Variants in DNER observed in about 807,000 individuals in gnomAD.
DNER encodes the protein delta/notch like EGF repeat containing, also known as delta and Notch-like epidermal growth factor-related receptor.
A neutral mutation model predicts 78.2 loss-of-function variants in DNER; 33 were observed. The observed-to-expected ratio is 0.42, with a 90% confidence interval of 0.32 to 0.56. The LOEUF is 0.56. Ranked by LOEUF, DNER falls within the 20% of genes least tolerant of loss-of-function variation. DNER has a pLI of 0.11. For missense variants in DNER, 918 were observed against 975.3 expected (o/e 0.94, Z 0.78); for synonymous variants, 417 against 384.8 (o/e 1.08, Z -0.98).
intron 8 of DNER, among the ~76,000 whole-genome samples, chr2:229,425,764 T>C (rs562804651): frequency 6.6e-6 from 1 of 152,166 alleles, no homozygotes; most frequent in Non-Finnish European, 1.5e-5. Flanking sequence ...GTGCAACAAA[T>C]TCCCAGCGAC....
intron 5 of DNER, among the ~76,000 whole-genome samples, chr2:229,534,581 T>C (rs1489364161): frequency 6.6e-6 from 1 of 152,240 alleles, no homozygotes; most frequent in East Asian, 1.9e-4. Flanking sequence ...ACTAAGTATC[T>C]ATTGAGGCTG....
At position 229,628,565 on chromosome 2, in the gene DNER, C is replaced by T. The variant is rs573685343; in HGVS notation, c.277-36677G>A. ...CTTATAAGAACCCCAAAATATTCAA[C>T]AGAAATAACCAGAGCTGCTCTGACG... On this transcript the variant is annotated intron_variant, in intron 1 of 12. Coordinates refer to ENST00000341772, the MANE Select transcript of DNER (RefSeq NM_139072.4). Among the ~76,000 whole-genome samples the T allele has an allele frequency of 2.6e-5, 4 of 152,240 alleles. No homozygotes were observed. The East Asian group carries it at 7.7e-4, about 29-fold the overall frequency.
chr2:229,602,906 C>T (rs545629736), intron 1 of DNER, among the ~76,000 whole-genome samples: 2 of 152,164 alleles, frequency 1.3e-5, no homozygotes, highest in East Asian at 3.9e-4. Flanking sequence ...GTAAAATGGC[C>T]CACGATAGCA....
chr2:229,391,890 A>G (rs1486829215), intron 10 of DNER, among the ~76,000 whole-genome samples: 2 of 152,208 alleles, frequency 1.3e-5, no homozygotes, highest in Non-Finnish European at 2.9e-5. Flanking sequence ...ATGTAAGTAC[A>G]GTGGGTATCA....
At chr2:229,630,702 G>A (rs1050905953) in intron 1 of DNER, among the ~76,000 whole-genome samples, 6 of 151,974 alleles carry the variant, frequency 3.9e-5, no homozygotes, top group East Asian at 1.9e-4. Context: ...GGACATATGC[G>A]ATGCTGAGGT....
chr2:229,394,852 G>A (rs1693098224), intron 10 of DNER, among the ~76,000 whole-genome samples: 1 of 152,152 alleles, frequency 6.6e-6, no homozygotes, highest in Non-Finnish European at 1.5e-5. Context: ...ATTGTTTTAA[G>A]GTCTCTGTTC....
chr2:229,479,115 T>C (rs1354679279), intron 6 of DNER, among the ~76,000 whole-genome samples: 2 of 152,204 alleles, frequency 1.3e-5, no homozygotes, highest in Non-Finnish European at 2.9e-5. Flanking sequence ...GGCTTCCAGC[T>C]CCATCCATGT....
chr2:229,675,692 G>T (rs1699289610), intron 1 of DNER, among the ~76,000 whole-genome samples: 1 of 152,158 alleles, frequency 6.6e-6, no homozygotes, highest in African/African-American at 2.4e-5. Flanking sequence ...TGACCCACAG[G>T]CTCCCGTTCT....
intron 5 of DNER, among the ~76,000 whole-genome samples, chr2:229,530,126 T>G (rs1043753975): frequency 3.9e-5 from 6 of 152,072 alleles, no homozygotes; most frequent in African/African-American, 1.4e-4. Flanking sequence ...AAAAAAAAAT[T>G]TTAAGTTTTT....
At chr2:229,565,904 C>A (rs1457188854) in intron 4 of DNER, among the ~76,000 whole-genome samples, 1 of 152,158 alleles carries the variant, frequency 6.6e-6, no homozygotes. Context: ...AATTGTATCA[C>A]TTTATCTCCC....
At chr2:229,578,428 G>T (rs1013913690) in intron 4 of DNER, among the ~76,000 whole-genome samples, 2 of 152,184 alleles carry the variant, frequency 1.3e-5, no homozygotes, top group East Asian at 3.8e-4. Flanking sequence ...GAAACAAAAG[G>T]ATTCGTCAAG....
intron 12 of DNER, among the ~76,000 whole-genome samples, chr2:229,365,765 C>T (rs1207761919): frequency 6.6e-6 from 1 of 152,154 alleles, no homozygotes; most frequent in East Asian, 1.9e-4. Context: ...CCGATACCAA[C>T]ATAGGACATC....
intron 1 of DNER, among the ~76,000 whole-genome samples, chr2:229,710,983 G>GCGCGCACA (rs1553555262): frequency 6.4e-4 from 89 of 139,812 alleles, no homozygotes; most frequent in East Asian, 8.5e-4. Flanking sequence ...GCATACACGC[G>GCGCGCACA]CACACACACA....
At chr2:229,390,914 G>T (rs1309519698) in intron 10 of DNER, among the ~76,000 whole-genome samples, 1 of 152,120 alleles carries the variant, frequency 6.6e-6, no homozygotes, top group African/African-American at 2.4e-5. Context: ...TGGGTTTATT[G>T]TAATGGCCTC....
chr2:229,371,015 A>C (rs1408562590), intron 11 of DNER, among the ~76,000 whole-genome samples: 1 of 152,158 alleles, frequency 6.6e-6, no homozygotes, highest in Non-Finnish European at 1.5e-5. Context: ...CCGTTTCCCA[A>C]AACTCTGTAT....
Position 229,625,731 on chromosome 2 carries a change from A to G in DNER, c.277-33843T>C, listed in dbSNP as rs150519558. On this transcript the variant is annotated intron_variant, in intron 1 of 12. Transcript: ENST00000341772. The stretch of plus-strand genomic sequence containing the variant: ...GGGGTAGGGCAGGAAAGTTGTCCTA[A>G]GTATTGGAAACCACTTACCGTGAGC... 2.5e-4 allele frequency among the ~76,000 whole-genome samples: 38 copies of G among 152,330 alleles called. 1 individual carries two copies. Among genetic ancestry groups the G allele is most frequent in the Admixed American group, 1.2e-3 (19 of 15,300 alleles).
Position 229,617,423 on chromosome 2 carries a change from T to C in DNER, c.277-25535A>G, listed in dbSNP as rs535422454. On this transcript the variant is annotated intron_variant, in intron 1 of 12. Transcript: ENST00000341772. The stretch of plus-strand genomic sequence containing the variant: ...AGACAATGAAATATTAATTATAATT[T>C]TGAAAATTAGCTTTGCTTAGATACA... 9.8e-5 allele frequency among the ~76,000 whole-genome samples: 15 copies of C among 152,330 alleles called. 1 individual carries two copies. The South Asian group carries it at 3.1e-3, about 32-fold the overall frequency.
chr2:229,586,851 TC>T (rs1440325035), intron 3 of DNER: 5 of 985,282 alleles, frequency 5.1e-6, no homozygotes, highest in Non-Finnish European at 6.0e-6. Context: ...ACAGATCCGC[TC>T]CCCCAGCACA....
At chr2:229,449,477 A>G (rs1333435423) in intron 7 of DNER, among the ~76,000 whole-genome samples, 1 of 152,164 alleles carries the variant, frequency 6.6e-6, no homozygotes, top group Non-Finnish European at 1.5e-5. Flanking sequence ...CTTAATATGA[A>G]GGAATAATTT....
Sources: allele counts gnomAD v4.1 joint callset (sites outside exome capture counted in the v4.1 genomes callset), GRCh38; gene constraint gnomAD v4.1.1; transcripts MANE v1.5; gene names NCBI Gene and HGNC (gene_info 2026-07-23, HGNC 2026-07-21).